Variants in ATP6V0A1 observed in about 807,000 individuals in gnomAD.
The protein encoded by ATP6V0A1 is V-type proton ATPase 116 kDa subunit a 1.
ATP6V0A1 carries 43 observed loss-of-function variants against 105.4 expected under a neutral mutation model. The ratio of observed to expected loss-of-function variants is 0.41; its 90% CI spans 0.32 to 0.53. ATP6V0A1 has a LOEUF of 0.53. Ranked by LOEUF, ATP6V0A1 falls within the 20% of genes least tolerant of loss-of-function variation. ATP6V0A1 has a pLI of 0.30. For synonymous variants in ATP6V0A1, 362 were observed against 372.8 expected, an observed-to-expected ratio of 0.97 and a Z score of 0.33; for missense variants, 676 against 1,051.1, an observed-to-expected ratio of 0.64 and a Z score of 4.93.
intron 6 of ATP6V0A1, 66 bp downstream of exon 6, chr17:42,477,808 A>T: frequency 2.2e-6 from 3 of 1,336,848 alleles, no homozygotes; most frequent in Non-Finnish European, 3.2e-6. Context: ...TCAGAAGAGC[A>T]GTGAGACTGG....
intron 20 of ATP6V0A1, 121 bp downstream of exon 20, chr17:42,514,099 A>G: frequency 7.5e-7 from 1 of 1,328,194 alleles, no homozygotes; most frequent in East Asian, 2.3e-5. Context: ...AGGTTCCTGA[A>G]CCCAAGGAGA....
At chr17:42,520,935 G>A in intron 21 of ATP6V0A1, 92 bp from the exon 22 acceptor site, 1 of 1,135,056 alleles carries the variant, frequency 8.8e-7, no homozygotes, top group Non-Finnish European at 1.3e-6. Flanking sequence ...GGGTGAGGTG[G>A]GCACGGGGCA....
At chr17:42,501,156 AC>A (rs747433788) in intron 16 of ATP6V0A1, 40 bp from the exon 17 acceptor site, 21 of 1,520,082 alleles carry the variant, frequency 1.4e-5, no homozygotes, top group Non-Finnish European at 1.8e-5. Context: ...TGATCGGTAG[AC>A]TTTTATATGA....
At chr17:42,482,457 A>AT (rs1311122327) in intron 8 of ATP6V0A1, among the ~76,000 whole-genome samples, 4 of 151,840 alleles carry the variant, frequency 2.6e-5, no homozygotes, top group Admixed American at 6.6e-5. Context: ...TAGGGGCAGA[A>AT]TTTTTTCCAT....
At chr17:42,516,489 TC>T (rs1477471798) in intron 21 of ATP6V0A1, among the ~76,000 whole-genome samples, 1 of 152,192 alleles carries the variant, frequency 6.6e-6, no homozygotes, top group Non-Finnish European at 1.5e-5. Context: ...CAAGCACACT[TC>T]CTCAGCCCTC....
At chr17:42,487,462 T>G in intron 10 of ATP6V0A1, 95 bp downstream of exon 10, 3 of 1,268,968 alleles carry the variant, frequency 2.4e-6, no homozygotes, top group Non-Finnish European at 2.2e-6. Context: ...GCGCGGTGGC[T>G]CATGCCTGTA....
intron 6 of ATP6V0A1, among the ~76,000 whole-genome samples, chr17:42,478,161 T>C (rs2088996417): frequency 7.8e-6 from 1 of 129,004 alleles, no homozygotes; most frequent in East Asian, 2.3e-4. Flanking sequence ...AATTGAACAA[T>C]GAGAACACTT....
chr17:42,500,613 G>A, intron 15 of ATP6V0A1, 94 bp from the exon 16 acceptor site: 4 of 968,086 alleles, frequency 4.1e-6, no homozygotes, highest in East Asian at 2.4e-5. Context: ...AATTGAGGGG[G>A]TATTAAGTAG....
chr17:42,470,279 A>G, intron 5 of ATP6V0A1, 61 bp downstream of exon 5: 2 of 1,568,476 alleles, frequency 1.3e-6, no homozygotes, highest in Non-Finnish European at 1.7e-6. Context: ...CAAGTGGGCC[A>G]TATTTTTATT....
At chr17:42,507,177 A>G (rs575916972) in intron 17 of ATP6V0A1, among the ~76,000 whole-genome samples, 105 of 152,294 alleles carry the variant, frequency 6.9e-4, no homozygotes, top group African/African-American at 2.5e-3. Context: ...ATAGAGCTGT[A>G]CTTGTTGTGA....
Position 42,483,042 on chromosome 17 carries a change from C to A in ATP6V0A1, c.721C>A (p.Arg241=), listed in dbSNP as rs2145877691. 6.7e-7 allele frequency: 1 copy of A among 1,491,422 alleles called. No individual in the cohort carries two copies. Among genetic ancestry groups the A allele is most frequent in the Non-Finnish European group, 9.0e-7 (1 of 1,115,096 alleles). The allele number at this position is 1,491,422 out of a possible 1,614,324, so 92.4% of individuals were successfully genotyped here. A position where few individuals can be genotyped will look rare whatever the true frequency, so the allele number is the denominator to read the frequency against. ...TTCGATGTTCTTATATTCCAGGTTC[C>A]GAGCCTCACTCTATCCCTGTCCTGA... The part of the protein sequence containing the change: ...NRVKKICEGF[R]ASLYPCPETP... Residue 241 remains arginine (R), a synonymous_variant, in exon 9 of 22, where the codon CGA becomes AGA. Coordinates refer to ENST00000343619, the MANE Select transcript of ATP6V0A1 (RefSeq NM_001130021.3).
Position 42,492,064 on chromosome 17 carries a change from C to G in ATP6V0A1, c.1174+1427C>G, listed in dbSNP as rs191361673. Among the ~76,000 whole-genome samples, 237 of 152,268 alleles carry G rather than the reference C, an allele frequency of 1.6e-3. 3 individuals are homozygous for G. Among genetic ancestry groups the G allele is most frequent in the Non-Finnish European group, 1.0e-3 (71 of 68,018 alleles). On this transcript the variant is annotated intron_variant, in intron 11 of 21. Coordinates refer to ENST00000343619, the MANE Select transcript of ATP6V0A1 (RefSeq NM_001130021.3). Reference sequence around the variant, plus strand: ...GTTGACACCTCAGATCTTGTGTACTCCCTGTGAAGAGGTGCTCATTCTGGC... The same window carrying G: ...GTTGACACCTCAGATCTTGTGTACTGCCTGTGAAGAGGTGCTCATTCTGGC...
chr17:42,498,814 A>C, intron 14 of ATP6V0A1, 110 bp from the exon 15 acceptor site: 1 of 710,814 alleles, frequency 1.4e-6, no homozygotes, highest in Non-Finnish European at 2.3e-6. Context: ...TGACAGAGCG[A>C]GACTCGTCTC....
chr17:42,502,393 G>C (rs773014582), intron 17 of ATP6V0A1, among the ~76,000 whole-genome samples: 1 of 152,022 alleles, frequency 6.6e-6, no homozygotes, highest in African/African-American at 2.4e-5. Flanking sequence ...AAAACATCTG[G>C]GAAAAAGGTT....
intron 18 of ATP6V0A1, 141 bp downstream of exon 18, chr17:42,507,768 G>A: frequency 1.4e-6 from 1 of 729,558 alleles, no homozygotes; most frequent in Non-Finnish European, 2.4e-6. Flanking sequence ...GGACCTCTTA[G>A]GGCACCACAG....
At chr17:42,494,002 G>T (rs1410004503) in intron 11 of ATP6V0A1, among the ~76,000 whole-genome samples, 2 of 152,116 alleles carry the variant, frequency 1.3e-5, no homozygotes, top group Non-Finnish European at 2.9e-5. Flanking sequence ...CCAGCACTTT[G>T]GGAGGCCGAG....
chr17:42,521,006 TTTC>T lies in ATP6V0A1; in HGVS notation c.2421-13_2421-11del, dbSNP rs756642246. The T allele has an allele frequency of 4.8e-5, 76 of 1,567,752 alleles. No individual in the cohort carries two copies. Among genetic ancestry groups the T allele is most frequent in the South Asian group, 1.0e-4 (9 of 86,034 alleles). ...CACAAAGTTTCTATTGAATGACAGC[TTTC>T]TTCTTCTCTTTCTCCAGGGTTGAGT... On this transcript the variant is annotated intron_variant, in intron 21 of 21. Transcript: ENST00000343619. This position sits in a 1 kb window ranked among gnomAD's most constrained non-coding sequence, Gnocchi z 4.8.
chr17:42,517,724 T>A (rs1269527996), intron 21 of ATP6V0A1, among the ~76,000 whole-genome samples: 1 of 152,184 alleles, frequency 6.6e-6, no homozygotes, highest in Non-Finnish European at 1.5e-5. Flanking sequence ...GCTGTGGCCC[T>A]CTTACCAGGG....
Position 42,505,116 on chromosome 17 carries a change from A to C in ATP6V0A1, c.2005-2404A>C, listed in dbSNP as rs141434202. On this transcript the variant is annotated intron_variant, in intron 17 of 21. Coordinates refer to ENST00000343619, the MANE Select transcript of ATP6V0A1 (RefSeq NM_001130021.3). ...AGTGGCACGATCTCAGCTCACTACA[A>C]CCTCCACCTCCCAGGTTCAAGCAAT... Among the ~76,000 whole-genome samples, 138 of 151,514 alleles carry C rather than the reference A, an allele frequency of 9.1e-4. 1 individual carries two copies. The East Asian group carries it at 0.019, about 21-fold the overall frequency.
Sources: gnomAD v4.1 joint callset for allele counts (sites outside exome capture counted in the v4.1 genomes callset) on GRCh38, gnomAD v4.1.1 for gene constraint, Gnocchi (gnomAD v3.1) non-coding constraint, MANE v1.5 for transcripts, NCBI Gene and HGNC (gene_info 2026-07-23, HGNC 2026-07-21) for gene names.